The following HHLA1 variants were observed in gnomAD, a reference collection of about 807,000 sequenced individuals.
HHLA1 encodes the protein HERV-H LTR-associating protein 1.
In HHLA1, 72 loss-of-function variants were observed where a neutral mutation model predicts 69.9. The ratio of observed to expected loss-of-function variants is 1.03; its 90% CI spans 0.85 to 1.25. The LOEUF (loss-of-function observed/expected upper bound fraction) is 1.25, where lower values mean the gene tolerates loss of function less well. Ranked by LOEUF, HHLA1 falls within the 50% of genes most tolerant of loss-of-function variation. The pLI is 0.00. For synonymous variants in HHLA1, 252 were observed against 233.2 expected (o/e 1.08, Z -0.73); for missense variants, 685 against 642.2 (o/e 1.07, Z -0.72).
At chr8:132,090,907 C>T (rs535018825) in intron 7 of HHLA1, among the ~76,000 whole-genome samples, 118 of 152,056 alleles carry the variant, frequency 7.8e-4, no homozygotes, top group African/African-American at 2.7e-3. Context: ...TACAGGCGCC[C>T]GCCAACACGC....
intron 16 of HHLA1, 151 bp downstream of exon 16, chr8:132,065,735 A>G (rs941817773): frequency 2.1e-5 from 8 of 378,792 alleles, no homozygotes; most frequent in African/African-American, 8.5e-5. Flanking sequence ...AAAGGGAATA[A>G]GAAAAATCCT....
rs1444134901 is a variant in HHLA1, at chr8:132,063,393, C to G, written c.*602G>C. On this transcript the variant is annotated 3_prime_UTR_variant, in exon 17 of 17. Coordinates refer to ENST00000414222, the MANE Select transcript of HHLA1 (RefSeq NM_001145095.3). ...AGACAAGATGTCAATAAAAACAACTCTCTAAACCTCCTCCTAATGATAAAG... is the reference window on the plus strand; with the variant it reads ...AGACAAGATGTCAATAAAAACAACTGTCTAAACCTCCTCCTAATGATAAAG... 6.6e-6 allele frequency: 1 copy of G among 152,220 alleles called. No homozygotes were observed. Among genetic ancestry groups the G allele is most frequent in the Non-Finnish European group, 1.5e-5 (1 of 68,044 alleles). 9.4% of individuals were successfully genotyped at this position (152,220 alleles called of 1,614,324 possible). A position where few individuals can be genotyped will look rare whatever the true frequency, so the allele number is the denominator to read the frequency against.
chr8:132,103,887 A>G (rs764423842), intron 3 of HHLA1, among the ~76,000 whole-genome samples: 1 of 152,212 alleles, frequency 6.6e-6, no homozygotes, highest in African/African-American at 2.4e-5. Context: ...AAAATCTTCT[A>G]TCACCAATGG....
In HHLA1 at chr8:132,087,661, C is replaced by G. The variant is rs553835914; in HGVS notation, c.668G>C (p.Gly223Ala). The G allele has an allele frequency of 2.6e-5, 40 of 1,550,894 alleles. No individual in the cohort carries two copies. In the Admixed American group the frequency reaches 5.1e-4, roughly 20 times the overall value. Residue 223 changes from glycine to alanine, a missense_variant, in exon 10 of 17, where the codon GGT (glycine) becomes GCT (alanine). By Grantham distance (60) the Gly-to-Ala change is moderately conservative. Transcript: ENST00000414222. ...GGGAGGTTGGTACTCACCCAGAACA[C>G]CAGACAAGCCGCTGGTAAATGTGTA... ...INYTFTSGLS[G>A]VLGAATRGTA...
intron 1 of HHLA1, among the ~76,000 whole-genome samples, chr8:132,106,266 G>A (rs924885057): frequency 6.6e-6 from 1 of 152,328 alleles, no homozygotes; most frequent in Non-Finnish European, 1.5e-5. Context: ...TGCAGGAAGG[G>A]AACATCCTCA....
intron 7 of HHLA1, among the ~76,000 whole-genome samples, chr8:132,095,057 T>C (rs1824001144): frequency 6.6e-6 from 1 of 152,224 alleles, no homozygotes; most frequent in East Asian, 1.9e-4. Context: ...CATACTCCAA[T>C]CTTCTTTTCA....
chr8:132,062,971 T>G lies in HHLA1; in HGVS notation c.*1024A>C, dbSNP rs974724349. 2.0e-5 allele frequency: 3 copies of G among 152,250 alleles called. No homozygotes were observed. The highest frequency in any genetic ancestry group is 4.4e-5 in the Non-Finnish European group (3 of 68,084). The allele number at this position is 152,250 out of a possible 1,614,324, so 9.4% of individuals were successfully genotyped here. On this transcript the variant is annotated 3_prime_UTR_variant, in exon 17 of 17. Transcript: ENST00000414222. ...GGCCTTAGGTCGTGCAGTATCAGCT[T>G]GACCTCTAGAGGGACTGGAGACTGA...
At chr8:132,106,154 A>G (rs1487328102) in intron 1 of HHLA1, among the ~76,000 whole-genome samples, 1 of 152,216 alleles carries the variant, frequency 6.6e-6, no homozygotes, top group Non-Finnish European at 1.5e-5. Context: ...CGATTTGAAA[A>G]GAGGAGAAAT....
intron 3 of HHLA1, among the ~76,000 whole-genome samples, chr8:132,100,928 G>C (rs544641344): frequency 6.6e-6 from 1 of 152,118 alleles, no homozygotes; most frequent in African/African-American, 2.4e-5. Context: ...CTGTTGGAGT[G>C]GTCATTTTTC....
intron 11 of HHLA1, among the ~76,000 whole-genome samples, chr8:132,079,458 T>C (rs1823702224): frequency 2.0e-5 from 3 of 152,232 alleles, no homozygotes. Flanking sequence ...TTGCAAGTCT[T>C]CGTGAGTCTT....
intron 3 of HHLA1, among the ~76,000 whole-genome samples, chr8:132,103,870 C>T (rs1276037253): frequency 6.6e-6 from 1 of 152,134 alleles, no homozygotes; most frequent in East Asian, 1.9e-4. Context: ...ACGGTACCCC[C>T]CATTATAAAA....
chr8:132,075,164 A>G (rs995642967), intron 14 of HHLA1, among the ~76,000 whole-genome samples: 2 of 152,174 alleles, frequency 1.3e-5, no homozygotes, highest in South Asian at 2.1e-4. Flanking sequence ...TTCATTCACT[A>G]TTCACTGCAG....
At chr8:132,080,844 G>C (rs1823739980) in intron 10 of HHLA1, 1 of 152,174 alleles carries the variant, frequency 6.6e-6, no homozygotes, top group African/African-American at 2.4e-5. Flanking sequence ...GAGTGGGAGA[G>C]ATTAAGCTGA....
At chr8:132,097,479 C>T (rs779014339) in intron 5 of HHLA1, among the ~76,000 whole-genome samples, 5 of 152,166 alleles carry the variant, frequency 3.3e-5, no homozygotes, top group African/African-American at 1.2e-4. Context: ...AGTACCACCA[C>T]GTGGAGGTTA....
chr8:132,076,561 A>C lies in HHLA1; in HGVS notation c.1172-18T>G. On this transcript the variant is annotated intron_variant, in intron 12 of 16. Transcript: ENST00000414222. ...GAATGCTCCTGGGAGGAGATGAGAG[A>C]GAGGTGAGCCTGCATCTCTTCTAGG... 1 of 1,498,940 alleles carries C rather than the reference A, an allele frequency of 6.7e-7. No individual in the cohort carries two copies. Among genetic ancestry groups the C allele is most frequent in the South Asian group, 1.3e-5 (1 of 74,644 alleles). 92.9% of individuals were successfully genotyped at this position (1,498,940 alleles called of 1,614,324 possible). A position where few individuals can be genotyped will look rare whatever the true frequency, so the allele number is the denominator to read the frequency against.
At chr8:132,104,046 G>T (rs1824161872) in intron 3 of HHLA1, 62 bp downstream of exon 3, 1 of 1,127,980 alleles carries the variant, frequency 8.9e-7, no homozygotes. Context: ...GTCAGGCTTG[G>T]GGAAGTCAAG....
At chr8:132,079,644 C>A in intron 11 of HHLA1, 74 bp downstream of exon 11, 1 of 1,436,308 alleles carries the variant, frequency 7.0e-7, no homozygotes, top group Non-Finnish European at 9.2e-7. Flanking sequence ...AAGGATTTTG[C>A]TTATATATGT....
intron 14 of HHLA1, among the ~76,000 whole-genome samples, chr8:132,073,403 T>A (rs1176962472): frequency 1.3e-5 from 2 of 152,210 alleles, no homozygotes; most frequent in Non-Finnish European, 2.9e-5. Context: ...CACTGACCAA[T>A]TTCCATCAAT....
chr8:132,073,621 C>T (rs1428802358), intron 14 of HHLA1, among the ~76,000 whole-genome samples: 1 of 152,218 alleles, frequency 6.6e-6, no homozygotes, highest in Non-Finnish European at 1.5e-5. Flanking sequence ...AGATCTGACT[C>T]TGAAGCCTGT....
Sources: allele counts gnomAD v4.1 joint callset (sites outside exome capture counted in the v4.1 genomes callset), GRCh38; gene constraint gnomAD v4.1.1; transcripts MANE v1.5; gene names NCBI Gene and HGNC (gene_info 2026-07-23, HGNC 2026-07-21).